The following BORCS5 variants were observed in gnomAD, a reference collection of about 807,000 sequenced individuals.
The protein encoded by BORCS5 is BLOC-1-related complex subunit 5.
A neutral mutation model predicts 22.1 loss-of-function variants in BORCS5; 17 were observed. The ratio of observed to expected loss-of-function variants is 0.77; its 90% CI spans 0.53 to 1.15. The LOEUF is 1.15. Among genes scored for constraint, BORCS5 ranks in the 50% most tolerant of loss-of-function variants. The probability of loss-of-function intolerance (pLI) is 0.00; values close to 1 mark genes in which losing one functional copy is unlikely to be tolerated. For synonymous variants in BORCS5, 117 were observed against 99.8 expected (o/e 1.17, Z -1.03); for missense variants, 247 against 253.2 (o/e 0.98, Z 0.17).
intron 2 of BORCS5, among the ~76,000 whole-genome samples, chr12:12,427,213 C>T (rs1942310542): frequency 2.3e-5 from 3 of 129,662 alleles, no homozygotes; most frequent in Admixed American, 8.5e-5. Flanking sequence ...GGGAGTCTCG[C>T]ACTCTCGTCC....
At chr12:12,440,128 G>A (rs529302930) in intron 3 of BORCS5, among the ~76,000 whole-genome samples, 18 of 152,274 alleles carry the variant, frequency 1.2e-4, no homozygotes, top group African/African-American at 4.3e-4. Flanking sequence ...ACTTAAGTCT[G>A]GATCAAAGGG....
chr12:12,402,514 A>ATTCTGC (rs751795975), intron 2 of BORCS5, among the ~76,000 whole-genome samples: 4 of 152,202 alleles, frequency 2.6e-5, no homozygotes, highest in Non-Finnish European at 5.9e-5. Context: ...TTTATCCAAT[A>ATTCTGC]TTCTGCTTCC....
intron 1 of BORCS5, among the ~76,000 whole-genome samples, chr12:12,360,343 A>C (rs548040209): frequency 2.0e-5 from 3 of 152,188 alleles, no homozygotes; most frequent in African/African-American, 7.2e-5. Flanking sequence ...ACCTGGCGAC[A>C]GAGCGAGGCT....
chr12:12,461,785 G>T (rs1288239972), intron 3 of BORCS5, among the ~76,000 whole-genome samples: 1 of 152,174 alleles, frequency 6.6e-6, no homozygotes, highest in African/African-American at 2.4e-5. Context: ...CCTGGAAGCT[G>T]CCAGGAGAGA....
chr12:12,417,491 C>G (rs955493520), intron 2 of BORCS5, among the ~76,000 whole-genome samples: 2 of 152,018 alleles, frequency 1.3e-5, no homozygotes, highest in African/African-American at 4.8e-5. Flanking sequence ...GTTGTGTGTT[C>G]AAGTCCTCTA....
chr12:12,373,344 G>A (rs1863572617), intron 2 of BORCS5, among the ~76,000 whole-genome samples: 1 of 152,188 alleles, frequency 6.6e-6, no homozygotes, highest in Admixed American at 6.5e-5. Flanking sequence ...GTAGCAGCCT[G>A]TACCGACCAA....
At position 12,382,337 on chromosome 12, in the gene BORCS5, T is replaced by C. The variant is rs748093574; in HGVS notation, c.202+20988T>C. ...TTAAACAACCAGTTCTCCCATAAAC[T>C]AATAGAGGGAGACTTGCTCGGTACT... On this transcript the variant is annotated intron_variant, in intron 2 of 3. Coordinates refer to ENST00000314565, the MANE Select transcript of BORCS5 (RefSeq NM_058169.6). Among the ~76,000 whole-genome samples the C allele has an allele frequency of 8.1e-4, 122 of 150,998 alleles. 2 individuals carry two copies. Among genetic ancestry groups the C allele is most frequent in the Non-Finnish European group, 1.6e-3 (109 of 67,492 alleles).
chr12:12,433,076 G>A lies in BORCS5; in HGVS notation c.203-2552G>A, dbSNP rs532950604. ...GGGCTGGGCACAGTGGCTCATGCCT[G>A]TAATCCCAGCACTTTGGAAGGCTGA... On this transcript the variant is annotated intron_variant, in intron 2 of 3. Coordinates refer to ENST00000314565, the MANE Select transcript of BORCS5 (RefSeq NM_058169.6). Among the ~76,000 whole-genome samples, 3 of 152,214 alleles carry A rather than the reference G, an allele frequency of 2.0e-5. No individual in the cohort carries two copies. The South Asian group carries it at 6.2e-4, about 32-fold the overall frequency.
Position 12,386,355 on chromosome 12 carries a change from G to T in BORCS5, c.202+25006G>T, listed in dbSNP as rs80249006. Among the ~76,000 whole-genome samples, 1,481 of 150,256 alleles carry T rather than the reference G, an allele frequency of 9.9e-3. 55 individuals are homozygous for T. The highest frequency in any genetic ancestry group is 0.035 in the African/African-American group (1,419 of 40,676). ...GTAGCCAGCATATAGTTGTCTTGCT[G>T]TTTTATATATGTTGAAAATCTGTCT... On this transcript the variant is annotated intron_variant, in intron 2 of 3. Coordinates refer to ENST00000314565, the MANE Select transcript of BORCS5 (RefSeq NM_058169.6).
chr12:12,372,892 A>G (rs1863561146), intron 2 of BORCS5, among the ~76,000 whole-genome samples: 1 of 151,914 alleles, frequency 6.6e-6, no homozygotes, highest in East Asian at 1.9e-4. Context: ...TCTCTCCCAT[A>G]TTCTGTTGTG....
At chr12:12,380,518 A>G (rs1377939830) in intron 2 of BORCS5, among the ~76,000 whole-genome samples, 1 of 151,522 alleles carries the variant, frequency 6.6e-6, no homozygotes, top group Non-Finnish European at 1.5e-5. Flanking sequence ...GAATCATACA[A>G]TACATACTCT....
chr12:12,396,686 C>T (rs1941356139), intron 2 of BORCS5, among the ~76,000 whole-genome samples: 1 of 152,098 alleles, frequency 6.6e-6, no homozygotes. Context: ...TGTCAAGGAA[C>T]AGTTCATCCT....
At position 12,470,303 on chromosome 12, in the gene BORCS5, C is replaced by T. The variant is rs980738910; in HGVS notation, c.*4527C>T. 1.1e-4 allele frequency among the ~76,000 whole-genome samples: 16 copies of T among 152,108 alleles called. No homozygotes were observed. Among genetic ancestry groups the T allele is most frequent in the East Asian group, 3.9e-4 (2 of 5,190 alleles). On this transcript the variant is annotated 3_prime_UTR_variant, in exon 4 of 4. Transcript: ENST00000314565. ...CAGGCAGGTCTCAAACTCCTGACCT[C>T]GTGATCTGCCCGACTTGGCCTCCCA...
At chr12:12,413,472 G>A (rs1237104728) in intron 2 of BORCS5, among the ~76,000 whole-genome samples, 1 of 150,344 alleles carries the variant, frequency 6.7e-6, no homozygotes, top group Non-Finnish European at 1.5e-5. Flanking sequence ...AGTCTCCCAT[G>A]TCTACCTCCA....
rs143032428 is a variant in BORCS5 at position 12,377,485 on chromosome 12, T to C, written c.202+16136T>C. Among the ~76,000 whole-genome samples the C allele has an allele frequency of 4.3e-3, 648 of 152,052 alleles. 3 individuals carry two copies. The highest frequency in any genetic ancestry group is 0.015 in the African/African-American group (616 of 41,492). On this transcript the variant is annotated intron_variant, in intron 2 of 3. Coordinates refer to ENST00000314565, the MANE Select transcript of BORCS5 (RefSeq NM_058169.6). ...TGAGCTACCATGCCCAGCCAAGAGT[T>C]GGGATTTTGTCTTAGACATCGTGGA...
rs1288104478 is a variant in BORCS5, at chr12:12,466,023, A to G, written c.*247A>G. The G allele has an allele frequency of 1.5e-5, 7 of 467,380 alleles. No homozygotes were observed. The highest frequency in any genetic ancestry group is 5.5e-4 in the Middle Eastern group (1 of 1,822). The allele number at this position is 467,380 out of a possible 1,614,324, so 29.0% of individuals were successfully genotyped here. A position where few individuals can be genotyped will look rare whatever the true frequency, so the allele number is the denominator to read the frequency against. The stretch of plus-strand genomic sequence containing the variant: ...CTGAAGCTGGAACGTGTGAATTATT[A>G]GGAATTCTTTGAAGAACTCTGCATT... On this transcript the variant is annotated 3_prime_UTR_variant, in exon 4 of 4. Transcript: ENST00000314565.
intron 3 of BORCS5, among the ~76,000 whole-genome samples, chr12:12,436,714 G>A (rs184244932): frequency 5.0e-4 from 76 of 152,322 alleles, no homozygotes; most frequent in African/African-American, 1.3e-3. Flanking sequence ...AGCAATGGAG[G>A]TAGTGTATCC....
chr12:12,404,077 T>C (rs1427365999), intron 2 of BORCS5, among the ~76,000 whole-genome samples: 1 of 152,164 alleles, frequency 6.6e-6, no homozygotes, highest in Admixed American at 6.5e-5. Flanking sequence ...TCTTCAAATA[T>C]GGGTGACGTA....
chr12:12,396,189 G>A (rs1941338351), intron 2 of BORCS5, among the ~76,000 whole-genome samples: 1 of 151,278 alleles, frequency 6.6e-6, no homozygotes, highest in South Asian at 2.1e-4. Flanking sequence ...GTTTCATCAT[G>A]TTGGCCAGGC....
Sources: allele counts gnomAD v4.1 joint callset (sites outside exome capture counted in the v4.1 genomes callset), GRCh38; gene constraint gnomAD v4.1.1; transcripts MANE v1.5; gene names NCBI Gene and HGNC (gene_info 2026-07-23, HGNC 2026-07-21).